The following PIBF1 variants were observed in gnomAD, a reference collection of about 807,000 sequenced individuals.
The protein encoded by PIBF1 is progesterone immunomodulatory binding factor 1, also known as progesterone-induced-blocking factor 1.
A neutral mutation model predicts 112.5 loss-of-function variants in PIBF1; 90 were observed. The ratio of observed to expected loss-of-function variants is 0.80; its 90% CI spans 0.67 to 0.95. The LOEUF (loss-of-function observed/expected upper bound fraction) is 0.95. Ranked by LOEUF, PIBF1 falls within the 40% of genes least tolerant of loss-of-function variation. PIBF1 has a pLI of 0.00. For synonymous variants in PIBF1, 301 were observed against 288.6 expected (o/e 1.04, Z -0.44); for missense variants, 915 against 852.3 (o/e 1.07, Z -0.92).
chr13:72,996,748 C>T (rs2043686802), intron 16 of PIBF1, among the ~76,000 whole-genome samples: 1 of 151,194 alleles, frequency 6.6e-6, no homozygotes, highest in Non-Finnish European at 1.5e-5. Context: ...GCATGGACAA[C>T]AGAGCAAGAC....
At chr13:72,865,557 G>A (rs2038890519) in intron 10 of PIBF1, among the ~76,000 whole-genome samples, 1 of 152,046 alleles carries the variant, frequency 6.6e-6, no homozygotes, top group African/African-American at 2.4e-5. Context: ...TTTTTACACT[G>A]TGTCTTATTA....
chr13:72,870,182 A>T (rs1399356589), intron 10 of PIBF1, among the ~76,000 whole-genome samples: 1 of 152,186 alleles, frequency 6.6e-6, no homozygotes, highest in Non-Finnish European at 1.5e-5. Context: ...TTCCTGTGAG[A>T]ATTAAGTCTC....
chr13:72,987,858 A>ATTTATTTATTTTTTTTTT lies in PIBF1; in HGVS notation c.2050-10961_2050-10960insATTTATTTTTTTTTTTTT, dbSNP rs1345167411. Among the ~76,000 whole-genome samples the ATTTATTTATTTTTTTTTT allele has an allele frequency of 1.2e-4, 7 of 58,114 alleles. 1 individual carries two copies. Among genetic ancestry groups the ATTTATTTATTTTTTTTTT allele is most frequent in the African/African-American group, 5.6e-4 (6 of 10,716 alleles). The allele number at this position is 58,114 out of a possible 152,430, so 38.1% of individuals were successfully genotyped here. ...TTGTAATTTATTTATTTATTTATTTATTTTTTTTTTTTTTTTTTTTTTTGA... is the reference window on the plus strand; with the variant it reads ...TTGTAATTTATTTATTTATTTATTTATTTATTTATTTTTTTTTTTTTTTTTTTTTTTTTTTTTTTTTGA... On this transcript the variant is annotated intron_variant, in intron 16 of 17. Transcript: ENST00000326291.
At chr13:72,952,079 G>C (rs1203804163) in intron 14 of PIBF1, among the ~76,000 whole-genome samples, 7 of 125,922 alleles carry the variant, frequency 5.6e-5, no homozygotes, top group Non-Finnish European at 6.4e-5. Context: ...CTGTTGCCTC[G>C]TCTGGAGTGC....
In PIBF1 at chr13:72,921,492, A is replaced by G. The variant is rs1488995285; in HGVS notation, c.1730+4326A>G. On this transcript the variant is annotated intron_variant, in intron 13 of 17. Coordinates refer to ENST00000326291, the MANE Select transcript of PIBF1 (RefSeq NM_006346.4). ...CACTCGGAAATGTATACAGATATATATATATACTTTCTTATTTAAGATATT... is the reference window on the plus strand; with the variant it reads ...CACTCGGAAATGTATACAGATATATGTATATACTTTCTTATTTAAGATATT... 2.6e-5 allele frequency among the ~76,000 whole-genome samples: 4 copies of G among 152,274 alleles called. No individual in the cohort carries two copies. In the South Asian group the frequency reaches 6.2e-4, roughly 24 times the overall value.
chr13:72,809,578 G>GTT (rs976000443), intron 5 of PIBF1, among the ~76,000 whole-genome samples: 1 of 138,492 alleles, frequency 7.2e-6, no homozygotes, highest in Non-Finnish European at 1.6e-5. Flanking sequence ...TTAATAGAAG[G>GTT]TTTTTTTTTG....
At chr13:72,863,506 A>T (rs2038788208) in intron 10 of PIBF1, among the ~76,000 whole-genome samples, 1 of 151,840 alleles carries the variant, frequency 6.6e-6, no homozygotes, top group African/African-American at 2.4e-5. Flanking sequence ...AAAAAAAAAA[A>T]AATTATCCAG....
chr13:73,005,294 CAAAA>C (rs771810941), intron 17 of PIBF1, among the ~76,000 whole-genome samples: 2 of 135,630 alleles, frequency 1.5e-5, no homozygotes. Flanking sequence ...CTACCTTTAC[CAAAA>C]AAAAAAAAAA....
chr13:72,951,819 A>C (rs1418347136), intron 14 of PIBF1, among the ~76,000 whole-genome samples: 1 of 152,090 alleles, frequency 6.6e-6, no homozygotes, highest in Admixed American at 6.6e-5. Context: ...CTCATGCATC[A>C]GCCTTCCAAG....
At chr13:72,836,790 ACT>A (rs1377853510) in intron 9 of PIBF1, among the ~76,000 whole-genome samples, 5 of 152,026 alleles carry the variant, frequency 3.3e-5, no homozygotes, top group South Asian at 2.1e-4. Context: ...TCATAAAATG[ACT>A]CTCATGAAAA....
chr13:72,833,955 T>G (rs1871462338), intron 8 of PIBF1, among the ~76,000 whole-genome samples: 1 of 152,216 alleles, frequency 6.6e-6, no homozygotes, highest in African/African-American at 2.4e-5. Flanking sequence ...AAAAAGACAC[T>G]GTGGTTTTTT....
In PIBF1 at chr13:72,827,785, T is replaced by C; in HGVS notation, c.968T>C (p.Leu323Pro). The C allele has an allele frequency of 6.2e-7, 1 of 1,601,976 alleles. No individual in the cohort carries two copies. The highest frequency in any genetic ancestry group is 1.7e-5 in the Admixed American group (1 of 58,196). Residue 323 changes from leucine to proline, a missense_variant, in exon 8 of 18, where the codon CTT becomes CCT. Coordinates refer to ENST00000326291, the MANE Select transcript of PIBF1 (RefSeq NM_006346.4). ...TTACTGCAAAAGGATAAAGAATATC[T>C]TAATCGCCAAAACATGGAGCTTAGT... Reference protein sequence around the residue: ...VTLLQKDKEYLNRQNMELSVR... With the variant: ...VTLLQKDKEYPNRQNMELSVR...
intron 10 of PIBF1, among the ~76,000 whole-genome samples, chr13:72,892,072 G>C (rs1033135695): frequency 1.3e-5 from 2 of 151,868 alleles, no homozygotes; most frequent in African/African-American, 4.8e-5. Flanking sequence ...GACTTTGTAG[G>C]GTAATTAAAA....
chr13:73,003,947 G>A (rs999717238), intron 17 of PIBF1, among the ~76,000 whole-genome samples: 2 of 151,714 alleles, frequency 1.3e-5, no homozygotes, highest in Non-Finnish European at 2.9e-5. Flanking sequence ...CTGGGCTCAA[G>A]CAATCCTCCC....
At chr13:72,791,401 G>A (rs774606847) in intron 2 of PIBF1, among the ~76,000 whole-genome samples, 2 of 152,110 alleles carry the variant, frequency 1.3e-5, no homozygotes, top group Non-Finnish European at 2.9e-5. Context: ...CTTGGTTAAA[G>A]CAAAGGGAAT....
chr13:72,840,572 G>T (rs186953482), intron 9 of PIBF1, among the ~76,000 whole-genome samples: 108 of 147,498 alleles, frequency 7.3e-4, no homozygotes, highest in Non-Finnish European at 1.2e-3. Flanking sequence ...CACCCAGACT[G>T]GAGTGCAGTG....
At chr13:72,798,934 A>G (rs1417091458) in intron 5 of PIBF1, among the ~76,000 whole-genome samples, 1 of 152,210 alleles carries the variant, frequency 6.6e-6, no homozygotes, top group Non-Finnish European at 1.5e-5. Flanking sequence ...AACTCTCATA[A>G]TATTTATTCT....
chr13:72,811,013 C>T (rs770196337), intron 5 of PIBF1, among the ~76,000 whole-genome samples: 11 of 152,088 alleles, frequency 7.2e-5, no homozygotes, highest in Admixed American at 2.0e-4. Context: ...CACGCTGCCA[C>T]TCCCGGCTAA....
At chr13:72,859,980 A>G (rs2138362212) in intron 10 of PIBF1, among the ~76,000 whole-genome samples, 1 of 152,326 alleles carries the variant, frequency 6.6e-6, no homozygotes, top group East Asian at 1.9e-4. Context: ...CAAGACATAA[A>G]GTAGTAGAAT....
Sources: allele counts gnomAD v4.1 joint callset (sites outside exome capture counted in the v4.1 genomes callset), GRCh38; gene constraint gnomAD v4.1.1; transcripts MANE v1.5; gene names NCBI Gene and HGNC (gene_info 2026-07-23, HGNC 2026-07-21).